The following HS6ST3 variants were observed in gnomAD, a reference collection of about 807,000 sequenced individuals.
HS6ST3 encodes heparan sulfate 6-O-sulfotransferase 3, also known as heparan-sulfate 6-O-sulfotransferase 3.
Under a neutral mutation model 36.7 loss-of-function variants are expected in HS6ST3, and 12 were observed. The ratio of observed to expected loss-of-function variants is 0.33; its 90% confidence interval spans 0.21 to 0.53. HS6ST3 has a LOEUF of 0.53. Among genes scored for constraint, HS6ST3 ranks in the 20% least tolerant of loss-of-function variants. HS6ST3 has a pLI of 0.95. For missense variants in HS6ST3, 584 were observed against 640.9 expected (o/e 0.91, Z 0.96); for synonymous variants, 240 against 257.5 (o/e 0.93, Z 0.65).
intron 1 of HS6ST3, among the ~76,000 whole-genome samples, chr13:96,554,753 C>T (rs746136003): frequency 9.2e-5 from 14 of 151,984 alleles, no homozygotes; most frequent in Non-Finnish European, 1.6e-4. Flanking sequence ...CAATTTGAGA[C>T]TTACTGTAGT....
chr13:96,615,362 G>A (rs1460709492), intron 1 of HS6ST3, among the ~76,000 whole-genome samples: 1 of 152,186 alleles, frequency 6.6e-6, no homozygotes, highest in East Asian at 1.9e-4. Context: ...GATCTGATGA[G>A]TTCAGCTAGC....
chr13:96,266,246 A>G (rs2054691946), intron 1 of HS6ST3, among the ~76,000 whole-genome samples: 1 of 152,176 alleles, frequency 6.6e-6, no homozygotes, highest in Admixed American at 6.5e-5. Context: ...CATTCATGTT[A>G]ACCAGTTTTG....
At chr13:96,632,860 G>A (rs2056536571) in intron 1 of HS6ST3, among the ~76,000 whole-genome samples, 1 of 152,186 alleles carries the variant, frequency 6.6e-6, no homozygotes, top group Non-Finnish European at 1.5e-5. Context: ...ACAAGATGGG[G>A]CATCATCTGA....
At chr13:96,765,578 CTCTCTCTCTT>C (rs1392886688) in intron 1 of HS6ST3, among the ~76,000 whole-genome samples, 14 of 128,700 alleles carry the variant, frequency 1.1e-4, no homozygotes, top group Non-Finnish European at 1.7e-4. Context: ...GATGTATGCG[CTCTCTCTCTT>C]TCTCTCTCTC....
intron 1 of HS6ST3, among the ~76,000 whole-genome samples, chr13:96,693,478 A>G (rs1453004590): frequency 6.6e-6 from 1 of 151,928 alleles, no homozygotes; most frequent in Non-Finnish European, 1.5e-5. Flanking sequence ...CTAATTTTGT[A>G]TTTTTATAGA....
intron 1 of HS6ST3, among the ~76,000 whole-genome samples, chr13:96,334,398 A>G (rs140330998): frequency 6.6e-6 from 1 of 152,172 alleles, no homozygotes; most frequent in African/African-American, 2.4e-5. Flanking sequence ...CCCCAGAAGC[A>G]GATGCCAGCA....
intron 1 of HS6ST3, among the ~76,000 whole-genome samples, chr13:96,400,575 A>G (rs2139457022): frequency 6.6e-6 from 1 of 152,228 alleles, no homozygotes; most frequent in Non-Finnish European, 1.5e-5. Context: ...GGAGTTGGTA[A>G]TGGCTGTAAT....
At chr13:96,667,553 A>G (rs770216720) in intron 1 of HS6ST3, among the ~76,000 whole-genome samples, 2 of 152,126 alleles carry the variant, frequency 1.3e-5, no homozygotes, top group Non-Finnish European at 2.9e-5. Flanking sequence ...TTAGCCTTCC[A>G]CCAGAACGAT....
At chr13:96,203,747 CT>C (rs913572872) in intron 1 of HS6ST3, among the ~76,000 whole-genome samples, 2 of 152,124 alleles carry the variant, frequency 1.3e-5, no homozygotes, top group African/African-American at 4.8e-5. Context: ...ATCTTAAACA[CT>C]TTCCTAGTGA....
intron 1 of HS6ST3, among the ~76,000 whole-genome samples, chr13:96,293,450 CTT>C (rs778083397): frequency 4.6e-5 from 7 of 151,990 alleles, no homozygotes; most frequent in African/African-American, 1.4e-4. Context: ...CTAGTTGACT[CTT>C]ATAACAAATT....
intron 1 of HS6ST3, among the ~76,000 whole-genome samples, chr13:96,420,833 G>T (rs1279214449): frequency 6.6e-6 from 1 of 152,206 alleles, no homozygotes; most frequent in African/African-American, 2.4e-5. Flanking sequence ...TTGCCTGAAT[G>T]GAGTGAAATA....
At chr13:96,367,371 A>T (rs1296357977) in intron 1 of HS6ST3, among the ~76,000 whole-genome samples, 1 of 152,252 alleles carries the variant, frequency 6.6e-6, no homozygotes, top group East Asian at 1.9e-4. Flanking sequence ...TCAGGATAAT[A>T]GGGTTCAAAT....
At chr13:96,502,544 G>A (rs549187090) in intron 1 of HS6ST3, among the ~76,000 whole-genome samples, 1 of 152,200 alleles carries the variant, frequency 6.6e-6, no homozygotes, top group Non-Finnish European at 1.5e-5. Context: ...CACAACCTCT[G>A]TGTAAATTTG....
At chr13:96,107,821 A>G (rs1466411496) in intron 1 of HS6ST3, among the ~76,000 whole-genome samples, 1 of 152,204 alleles carries the variant, frequency 6.6e-6, no homozygotes, top group East Asian at 1.9e-4. Context: ...TCACTTCCCC[A>G]ATCAATACTC....
At chr13:96,137,840 G>C (rs1482413965) in intron 1 of HS6ST3, among the ~76,000 whole-genome samples, 1 of 152,118 alleles carries the variant, frequency 6.6e-6, no homozygotes, top group Non-Finnish European at 1.5e-5. Flanking sequence ...AAAGAATGTT[G>C]AATTCTTTAG....
At chr13:96,620,626 T>C (rs2056491543) in intron 1 of HS6ST3, among the ~76,000 whole-genome samples, 1 of 152,232 alleles carries the variant, frequency 6.6e-6, no homozygotes, top group African/African-American at 2.4e-5. Flanking sequence ...ACTTTTTGAT[T>C]ATTTTATTTT....
intron 1 of HS6ST3, among the ~76,000 whole-genome samples, chr13:96,778,002 G>A (rs893898038): frequency 7.9e-5 from 12 of 151,988 alleles, no homozygotes; most frequent in Admixed American, 7.9e-4. Context: ...CAGAACAGAG[G>A]CCTCAGAAAT....
At position 96,090,874 on chromosome 13, in the gene HS6ST3, G is replaced by A; in HGVS notation, c.12G>A (p.Arg4=). 6.6e-7 allele frequency: 1 copy of A among 1,512,216 alleles called. No individual in the cohort carries two copies. The highest frequency in any genetic ancestry group is 2.9e-5 in the East Asian group (1 of 34,838). The allele number at this position is 1,512,216 out of a possible 1,614,324, so 93.7% of individuals were successfully genotyped here. Residue 4 remains arginine, a synonymous_variant, in exon 1 of 2, where the codon AGG becomes AGA. Coordinates refer to ENST00000376705, the MANE Select transcript of HS6ST3 (RefSeq NM_153456.4). ...CTGAGAGCGGGACCATGGATGAAAG[G>A]TTCAACAAGTGGCTGCTGACGCCGG... The part of the protein sequence containing the change: MDE[R]FNKWLLTPVL...
At chr13:96,459,616 C>T (rs1594784884) in intron 1 of HS6ST3, among the ~76,000 whole-genome samples, 1 of 152,174 alleles carries the variant, frequency 6.6e-6, no homozygotes, top group African/African-American at 2.4e-5. Context: ...TTAATTCCTA[C>T]ATATTCATTT....
Sources: gnomAD v4.1 joint callset for allele counts (sites outside exome capture counted in the v4.1 genomes callset) on GRCh38, gnomAD v4.1.1 for gene constraint, MANE v1.5 for transcripts, NCBI Gene and HGNC (gene_info 2026-07-23, HGNC 2026-07-21) for gene names.